The following LRRC7 variants were observed in gnomAD, a reference collection of about 807,000 sequenced individuals.
LRRC7 encodes leucine rich repeat containing 7, also known as leucine-rich repeat-containing protein 7.
A neutral mutation model predicts 175.7 loss-of-function variants in LRRC7; 23 were observed. The ratio of observed to expected loss-of-function variants is 0.13; its 90% CI spans 0.09 to 0.19. The LOEUF is 0.19. Ranked by LOEUF, LRRC7 falls within the 10% of genes least tolerant of loss-of-function variation. The pLI is 1.00. For synonymous variants in LRRC7, 685 were observed against 680.9 expected (o/e 1.01, Z -0.09); for missense variants, 1,354 against 1,904.7 (o/e 0.71, Z 5.38).
chr1:69,749,550 C>T (rs560098496), intron 2 of LRRC7, among the ~76,000 whole-genome samples: 1 of 152,220 alleles, frequency 6.6e-6, no homozygotes, highest in South Asian at 2.1e-4. Flanking sequence ...ATTCTATCAA[C>T]CAAAAAGTTC....
At chr1:69,749,602 A>C (rs1388081678) in intron 2 of LRRC7, among the ~76,000 whole-genome samples, 1 of 152,200 alleles carries the variant, frequency 6.6e-6, no homozygotes, top group African/African-American at 2.4e-5. Context: ...GTGATGTTTT[A>C]AGATTTACAA....
In LRRC7 at chr1:70,136,091, G is replaced by C. The variant is rs1018415597; in HGVS notation, c.*14204G>C. 3.4e-4 allele frequency among the ~76,000 whole-genome samples: 51 copies of C among 150,830 alleles called. No homozygotes were observed. Among genetic ancestry groups the C allele is most frequent in the African/African-American group, 1.2e-3 (50 of 41,068 alleles). ...TGTGTGTGTCTGTGTGTGTGTGTGT[G>C]TGTGTGTCTATATATCTTATCAGGC... On this transcript the variant is annotated 3_prime_UTR_variant, in exon 27 of 27. Transcript: ENST00000651989.
At chr1:69,688,338 C>CT (rs1233834309) in intron 2 of LRRC7, among the ~76,000 whole-genome samples, 1 of 152,118 alleles carries the variant, frequency 6.6e-6, no homozygotes, top group Non-Finnish European at 1.5e-5. Context: ...TTATCAGTTC[C>CT]TTTTTTGTAA....
chr1:69,575,848 C>T (rs1645923632), intron 1 of LRRC7, among the ~76,000 whole-genome samples: 1 of 152,128 alleles, frequency 6.6e-6, no homozygotes, highest in Non-Finnish European at 1.5e-5. Flanking sequence ...TAAACTATTA[C>T]TTCAAATATG....
intron 17 of LRRC7, 132 bp downstream of exon 17, chr1:70,023,506 T>C: frequency 1.0e-6 from 1 of 977,102 alleles, no homozygotes. Context: ...ATTGCCAGTG[T>C]TTTATCTCAA....
intron 11 of LRRC7, among the ~76,000 whole-genome samples, chr1:70,008,212 C>A (rs187642537): frequency 4.5e-4 from 69 of 152,248 alleles, no homozygotes; most frequent in Non-Finnish European, 8.5e-4. Context: ...GCCCATCTCG[C>A]CTTTTCACAT....
At chr1:69,853,060 C>T (rs916314638) in intron 7 of LRRC7, among the ~76,000 whole-genome samples, 1 of 151,862 alleles carries the variant, frequency 6.6e-6, no homozygotes, top group Non-Finnish European at 1.5e-5. Context: ...TTAAGTCATC[C>T]CTGATGCCCA....
chr1:69,819,499 G>A (rs1438090294), intron 4 of LRRC7, among the ~76,000 whole-genome samples: 1 of 151,106 alleles, frequency 6.6e-6, no homozygotes, highest in Non-Finnish European at 1.5e-5. Context: ...TCTTCCTGCA[G>A]AATATTTCAT....
At chr1:69,653,202 G>A (rs1656115995) in intron 1 of LRRC7, among the ~76,000 whole-genome samples, 1 of 151,924 alleles carries the variant, frequency 6.6e-6, no homozygotes, top group Non-Finnish European at 1.5e-5. Context: ...CTGATAAGGG[G>A]TTAATATTCA....
intron 21 of LRRC7, among the ~76,000 whole-genome samples, chr1:70,042,206 A>G (rs1389848761): frequency 6.6e-6 from 1 of 152,188 alleles, no homozygotes. Context: ...TTCAGGCTAT[A>G]TCTTTCATAA....
rs764552128 is a variant in LRRC7, at chr1:70,110,863, G to A, written c.4620+3037G>A. 4.8e-4 allele frequency among the ~76,000 whole-genome samples: 73 copies of A among 152,270 alleles called. No individual in the cohort carries two copies. The Middle Eastern group carries it at 0.024, about 50-fold the overall frequency. On this transcript the variant is annotated intron_variant, in intron 26 of 26. Transcript: ENST00000651989. The stretch of plus-strand genomic sequence containing the variant: ...AATGAAATTGTTTGCAATATCAGAT[G>A]CTAAGAAGGCAAGCTATATATTTAT...
chr1:69,649,469 A>T (rs1241756812), intron 1 of LRRC7, among the ~76,000 whole-genome samples: 1 of 152,206 alleles, frequency 6.6e-6, no homozygotes, highest in Non-Finnish European at 1.5e-5. Context: ...TAGGCTTCAG[A>T]TTTTGAAGAT....
intron 4 of LRRC7, among the ~76,000 whole-genome samples, chr1:69,819,575 C>CTGTGTGTGTG (rs1343426681): frequency 1.1e-3 from 140 of 133,296 alleles, no homozygotes; most frequent in African/African-American, 4.2e-3. Context: ...CTCTCTCTCT[C>CTGTGTGTGTG]TCTGTGTGTG....
chr1:70,067,719 ACTTTTT>A (rs1662084700), intron 23 of LRRC7, among the ~76,000 whole-genome samples: 2 of 152,062 alleles, frequency 1.3e-5, no homozygotes, highest in Non-Finnish European at 2.9e-5. Context: ...GAGGATCTTT[ACTTTTT>A]AAGTCTTTCA....
At chr1:70,103,483 G>A (rs951293718) in intron 25 of LRRC7, among the ~76,000 whole-genome samples, 8 of 152,102 alleles carry the variant, frequency 5.3e-5, no homozygotes, top group Admixed American at 5.2e-4. Flanking sequence ...ATGGAAGAAT[G>A]GGATCATGAG....
intron 1 of LRRC7, among the ~76,000 whole-genome samples, chr1:69,617,547 T>TAAACAAAAAAAA (rs1649833827): frequency 1.6e-5 from 1 of 62,008 alleles, no homozygotes; most frequent in Non-Finnish European, 3.0e-5. Flanking sequence ...ATACTCACAG[T>TAAACAAAAAAAA]AAAAAAAAAA....
At chr1:69,665,129 A>G (rs753347124) in intron 1 of LRRC7, among the ~76,000 whole-genome samples, 1 of 152,078 alleles carries the variant, frequency 6.6e-6, no homozygotes, top group Non-Finnish European at 1.5e-5. Context: ...ATATGGATTT[A>G]TCTCTGGGTT....
chr1:69,657,759 A>G (rs765069378), intron 1 of LRRC7, among the ~76,000 whole-genome samples: 28 of 151,916 alleles, frequency 1.8e-4, no homozygotes, highest in Admixed American at 3.9e-4. Flanking sequence ...AATTTTGTCT[A>G]GGAATAGTCC....
At chr1:69,595,324 G>A (rs1413809893) in intron 1 of LRRC7, among the ~76,000 whole-genome samples, 1 of 152,194 alleles carries the variant, frequency 6.6e-6, no homozygotes, top group Admixed American at 6.5e-5. Flanking sequence ...GGAGGCTGAG[G>A]CAGGAGAATC....
Sources: allele counts gnomAD v4.1 joint callset (sites outside exome capture counted in the v4.1 genomes callset), GRCh38; gene constraint gnomAD v4.1.1; transcripts MANE v1.5; gene names NCBI Gene and HGNC (gene_info 2026-07-23, HGNC 2026-07-21).